The following CACNA1B variants were observed in gnomAD, a reference collection of about 807,000 sequenced individuals.
CACNA1B encodes the protein voltage-dependent N-type calcium channel subunit alpha-1B.
In CACNA1B, 70 loss-of-function variants were observed where a neutral mutation model predicts 247.2. The observed-to-expected ratio is 0.28, with a 90% CI of 0.23 to 0.35. The LOEUF (loss-of-function observed/expected upper bound fraction) is 0.35, where lower values mean the gene tolerates loss of function less well. Among genes scored for constraint, CACNA1B ranks in the 10% least tolerant of loss-of-function variants. The pLI is 1.00. For synonymous variants in CACNA1B, 1,231 were observed against 1,294.4 expected, an observed-to-expected ratio of 0.95 and a Z score of 1.05; for missense variants, 2,367 against 3,197.4, an observed-to-expected ratio of 0.74 and a Z score of 6.26.
intron 6 of CACNA1B, among the ~76,000 whole-genome samples, chr9:137,935,503 T>C (rs1468764362): frequency 6.6e-6 from 1 of 152,238 alleles, no homozygotes; most frequent in Non-Finnish European, 1.5e-5. Context: ...CAGTCTATCA[T>C]TGATGGACAT....
intron 10 of CACNA1B, among the ~76,000 whole-genome samples, chr9:137,962,353 A>AT (rs1054221718): frequency 4.7e-5 from 6 of 126,698 alleles, no homozygotes; most frequent in East Asian, 4.6e-4. Context: ...GTTTTCATTG[A>AT]TTTTTTTGAT....
At chr9:137,953,966 C>A (rs939875270) in intron 7 of CACNA1B, among the ~76,000 whole-genome samples, 2 of 152,142 alleles carry the variant, frequency 1.3e-5, no homozygotes, top group Non-Finnish European at 2.9e-5. Context: ...GGCAGGAGAG[C>A]AGCCTGCTCA....
In CACNA1B at chr9:137,888,914, C is replaced by T. The variant is rs573820374; in HGVS notation, c.530+6031C>T. ...GAGGGTCCACCCAGGGGAGCAGCAG[C>T]CCATGTGCAAGTGTGCGGCTCAGGG... is the stretch of plus-strand genomic sequence containing the variant. On this transcript the variant is annotated intron_variant, in intron 3 of 46. Coordinates refer to ENST00000371372, the MANE Select transcript of CACNA1B (RefSeq NM_000718.4). The surrounding 1 kb of genome is among the most constrained non-coding windows in gnomAD (Gnocchi z 4.7). Among the ~76,000 whole-genome samples the T allele has an allele frequency of 2.6e-5, 4 of 151,478 alleles. No individual in the cohort carries two copies. The highest frequency in any genetic ancestry group is 6.6e-5 in the Admixed American group (1 of 15,198).
intron 32 of CACNA1B, 142 bp downstream of exon 32, chr9:138,069,905 C>T: frequency 1.4e-6 from 1 of 732,288 alleles, no homozygotes. Flanking sequence ...CACCTCTGGC[C>T]TCCTGGACTT....
rs929297278 is a variant in CACNA1B at position 137,974,986 on chromosome 9, G to A, written c.1544-921G>A. On this transcript the variant is annotated intron_variant, in intron 11 of 46. Transcript: ENST00000371372. The surrounding 1 kb of genome is among the most constrained non-coding windows in gnomAD (Gnocchi z 4.5). ...TCAGAGACAGTGGCCTCACCCTGAC[G>A]CCTAGGACTCCTGGCTCAGCCAGCG... Among the ~76,000 whole-genome samples, 4 of 152,184 alleles carry A rather than the reference G, an allele frequency of 2.6e-5. No homozygotes were observed. The highest frequency in any genetic ancestry group is 4.4e-5 in the Non-Finnish European group (3 of 68,026).
intron 10 of CACNA1B, among the ~76,000 whole-genome samples, chr9:137,967,551 C>T (rs1958094407): frequency 6.6e-6 from 1 of 152,216 alleles, no homozygotes; most frequent in African/African-American, 2.4e-5. Flanking sequence ...CGTTTTAACT[C>T]TGTCCTGTCA....
chr9:137,953,466 C>T (rs1957902622), intron 7 of CACNA1B, among the ~76,000 whole-genome samples: 2 of 152,180 alleles, frequency 1.3e-5, no homozygotes. Flanking sequence ...TGGGCTCCAG[C>T]AGGAGATCGT....
At chr9:138,094,352 C>T (rs1227628309) in intron 36 of CACNA1B, among the ~76,000 whole-genome samples, 1 of 150,438 alleles carries the variant, frequency 6.6e-6, no homozygotes, top group Non-Finnish European at 1.5e-5. Context: ...TTCATGGTTG[C>T]ACAACAGTGT....
chr9:138,095,179 A>G (rs750899374), intron 36 of CACNA1B, among the ~76,000 whole-genome samples: 10 of 152,254 alleles, frequency 6.6e-5, no homozygotes, highest in Non-Finnish European at 1.2e-4. Context: ...AATACAATGT[A>G]CAGAACAAAA....
intron 6 of CACNA1B, among the ~76,000 whole-genome samples, chr9:137,943,605 G>T (rs897223807): frequency 6.6e-6 from 1 of 152,132 alleles, no homozygotes; most frequent in Non-Finnish European, 1.5e-5. Flanking sequence ...TGACGAATGC[G>T]GGAATAAAGA....
At chr9:137,910,109 T>C (rs1957343942) in intron 3 of CACNA1B, among the ~76,000 whole-genome samples, 1 of 152,186 alleles carries the variant, frequency 6.6e-6, no homozygotes, top group African/African-American at 2.4e-5. Flanking sequence ...TGGTATTTCA[T>C]TGTGGTTTTG....
chr9:137,892,217 C>T (rs1957111515), intron 3 of CACNA1B: 1 of 456,672 alleles, frequency 2.2e-6, no homozygotes. Context: ...CAGCCGGGCG[C>T]TGCAACAGCA....
intron 3 of CACNA1B, among the ~76,000 whole-genome samples, chr9:137,900,710 CCTGTGTCTGTGCCGTGTGTCT>C (rs1337704635): frequency 3.1e-5 from 4 of 130,340 alleles, no homozygotes; most frequent in African/African-American, 1.2e-4. Context: ...GCTGTGTGTC[CCTGTGTCTGTGCCGTGTGTCT>C]CTGTGTCTGT....
At chr9:137,985,762 C>T (rs897156023) in intron 13 of CACNA1B, among the ~76,000 whole-genome samples, 2 of 152,228 alleles carry the variant, frequency 1.3e-5, no homozygotes, top group African/African-American at 4.8e-5. Flanking sequence ...TTGCCATCAG[C>T]AGCCTCGGTG....
intron 34 of CACNA1B, among the ~76,000 whole-genome samples, chr9:138,075,038 T>C (rs1476202656): frequency 6.6e-6 from 1 of 152,208 alleles, no homozygotes; most frequent in Non-Finnish European, 1.5e-5. Flanking sequence ...CATAAAGCAG[T>C]GTCCCAGTTA....
At position 138,120,866 on chromosome 9, in the gene CACNA1B, G is replaced by A. The variant is rs200095134; in HGVS notation, c.6474G>A (p.Pro2158=). Residue 2158 remains proline (P), a synonymous_variant, in exon 46 of 47, where the codon CCG becomes CCA. Coordinates refer to ENST00000371372, the MANE Select transcript of CACNA1B (RefSeq NM_000718.4). ...CGTCGCCAACAGCTGGCCAGGAGCC[G>A]GGACCCCACCCACAGGTAAGAGGAA... The part of the protein sequence containing the change: ...HPTSPTAGQE[P]GPHPQGSGSV... 1.8e-5 allele frequency: 29 copies of A among 1,571,212 alleles called. No homozygotes were observed. In the Admixed American group the frequency reaches 2.0e-4, roughly 11 times the overall value.
intron 6 of CACNA1B, among the ~76,000 whole-genome samples, chr9:137,934,550 T>C (rs188081039): frequency 6.6e-6 from 1 of 152,280 alleles, no homozygotes; most frequent in Admixed American, 6.5e-5. Context: ...CCATAGACCC[T>C]CTGAAGGAAG....
At chr9:138,009,366 C>T (rs1032819025) in intron 16 of CACNA1B, among the ~76,000 whole-genome samples, 4 of 152,166 alleles carry the variant, frequency 2.6e-5, no homozygotes, top group Admixed American at 6.5e-5. Flanking sequence ...ATCTACGGAG[C>T]GGATGCCGCA....
intron 6 of CACNA1B, among the ~76,000 whole-genome samples, chr9:137,927,982 A>T (rs1011844984): frequency 1.3e-5 from 2 of 152,208 alleles, no homozygotes; most frequent in African/African-American, 4.8e-5. Context: ...AATAAATCCC[A>T]CATGGTCATG....
Sources: allele counts gnomAD v4.1 joint callset (sites outside exome capture counted in the v4.1 genomes callset), GRCh38; gene constraint gnomAD v4.1.1; non-coding constraint Gnocchi (gnomAD v3.1); transcripts MANE v1.5; gene names NCBI Gene and HGNC (gene_info 2026-07-23, HGNC 2026-07-21).